Variants in TBC1D1 observed in about 807,000 individuals in gnomAD.
The protein encoded by TBC1D1 is TBC1 domain family member 1, also known as TBC1 (tre-2/USP6, BUB2, cdc16) domain family, member 1.
TBC1D1 carries 89 observed loss-of-function variants against 125.6 expected under a neutral mutation model. That is an observed-to-expected ratio of 0.71 (90% CI 0.60 to 0.85). TBC1D1 has a LOEUF of 0.85. Ranked by LOEUF, TBC1D1 falls within the 40% of genes least tolerant of loss-of-function variation. The probability of loss-of-function intolerance (pLI) is 0.00; values close to 1 mark genes in which losing one functional copy is unlikely to be tolerated. For synonymous variants in TBC1D1, 565 were observed against 564.1 expected (o/e 1.00, Z -0.02); for missense variants, 1,377 against 1,469.2 (o/e 0.94, Z 1.03).
chr4:38,039,104 CTTTTTTTTTTTTTTTTTTT>C (rs776941680), intron 8 of TBC1D1, among the ~76,000 whole-genome samples: 4,879 of 51,728 alleles, frequency 0.094, 421 homozygotes, highest in African/African-American at 0.28. Flanking sequence ...GCATCATACT[CTTTTTTTTTTTTTTTTTTT>C]TTTTTTTTTT....
chr4:38,092,006 A>G (rs557441703), intron 13 of TBC1D1, among the ~76,000 whole-genome samples: 1 of 152,342 alleles, frequency 6.6e-6, no homozygotes, highest in South Asian at 2.1e-4. Context: ...CTTGCTTAAT[A>G]TAATGTTGGA....
chr4:38,096,211 C>A, intron 14 of TBC1D1, 121 bp downstream of exon 16: 1 of 761,590 alleles, frequency 1.3e-6, no homozygotes, highest in Non-Finnish European at 2.2e-6. Context: ...TTCATCACAT[C>A]TTAATCTATT....
At chr4:38,027,726 A>C in intron 6 of TBC1D1, 62 bp from the exon 7 acceptor site, 1 of 1,014,174 alleles carries the variant, frequency 9.9e-7, no homozygotes, top group Non-Finnish European at 1.5e-6. Flanking sequence ...GGAAGAGGTT[A>C]ACTCCCTATC....
intron 2 of TBC1D1, among the ~76,000 whole-genome samples, chr4:37,974,532 C>G (rs1732671787): frequency 6.6e-6 from 1 of 151,658 alleles, no homozygotes; most frequent in African/African-American, 2.4e-5. Flanking sequence ...AGCCACCATG[C>G]ATGGCCTGAT....
intron 2 of TBC1D1, among the ~76,000 whole-genome samples, chr4:37,942,856 A>T (rs113664825): frequency 0.075 from 11,406 of 152,086 alleles, 457 homozygotes; most frequent in South Asian, 0.11. Flanking sequence ...ATATTGTTAT[A>T]TGTGAATTTG....
At chr4:38,071,585 T>G (rs979902568) in intron 12 of TBC1D1, among the ~76,000 whole-genome samples, 3 of 152,206 alleles carry the variant, frequency 2.0e-5, no homozygotes, top group African/African-American at 4.8e-5. Flanking sequence ...ACAGCTACTT[T>G]GATTGTGATC....
At chr4:38,015,085 T>C in intron 3 of TBC1D1, 112 bp downstream of exon 3, 1 of 897,526 alleles carries the variant, frequency 1.1e-6, no homozygotes, top group Non-Finnish European at 1.7e-6. Flanking sequence ...TATGTGTGAA[T>C]CCATATATTT....
In TBC1D1 at chr4:37,995,468, C is replaced by A. The variant is rs1015776679; in HGVS notation, c.418-19041C>A. 4.6e-5 allele frequency: 11 copies of A among 237,756 alleles called. No individual in the cohort carries two copies. Among genetic ancestry groups the A allele is most frequent in the African/African-American group, 2.3e-4 (10 of 43,766 alleles). 14.7% of individuals were successfully genotyped at this position (237,756 alleles called of 1,614,324 possible). A position where few individuals can be genotyped will look rare whatever the true frequency, so the allele number is the denominator to read the frequency against. On this transcript the variant is annotated intron_variant, in intron 2 of 19. Coordinates refer to ENST00000261439, the MANE Select transcript of TBC1D1 (RefSeq NM_015173.4). The surrounding 1 kb of genome is among the most constrained non-coding windows in gnomAD (Gnocchi z 4.3). Reference sequence around the variant, plus strand: ...CCCCGCCCCCTCACAAAGTATAGATCATTTGTTTTCCTTCCAGCCCTGGGC... The same window carrying A: ...CCCCGCCCCCTCACAAAGTATAGATAATTTGTTTTCCTTCCAGCCCTGGGC...
intron 18 of TBC1D1, among the ~76,000 whole-genome samples, chr4:38,128,718 A>G (rs1374651028): frequency 6.6e-6 from 1 of 152,138 alleles, no homozygotes; most frequent in Non-Finnish European, 1.5e-5. Flanking sequence ...GGCAATTCCA[A>G]AGGTGACAGA....
chr4:38,052,723 C>T (rs148568638), intron 11 of TBC1D1, among the ~76,000 whole-genome samples: 145 of 74,858 alleles, frequency 1.9e-3, no homozygotes, highest in East Asian at 5.9e-3. Context: ...CGCGCGCGCG[C>T]GCGCGCACAC....
At chr4:38,026,785 G>A (rs1560644669) in intron 6 of TBC1D1, among the ~76,000 whole-genome samples, 1 of 152,082 alleles carries the variant, frequency 6.6e-6, no homozygotes, top group African/African-American at 2.4e-5. Flanking sequence ...TTGAAATATC[G>A]GGTTCTAATG....
chr4:38,065,644 CTTTTTTTTTT>C (rs11447003), intron 12 of TBC1D1, among the ~76,000 whole-genome samples: 3 of 119,640 alleles, frequency 2.5e-5, no homozygotes, highest in Admixed American at 8.7e-5. Flanking sequence ...GTATTACCGC[CTTTTTTTTTT>C]TTTTTTTTTG....
intron 14 of TBC1D1, 67 bp downstream of exon 16, chr4:38,096,157 T>C: frequency 7.0e-7 from 1 of 1,421,384 alleles, no homozygotes; most frequent in Non-Finnish European, 9.6e-7. Context: ...AAGTGTGGAA[T>C]TAAAAAAAAG....
chr4:37,898,232 T>C (rs1010082428), intron 1 of TBC1D1, among the ~76,000 whole-genome samples: 1 of 152,194 alleles, frequency 6.6e-6, no homozygotes, highest in African/African-American at 2.4e-5. Flanking sequence ...GGGACACCTA[T>C]TCAAACTCTT....
intron 2 of TBC1D1, among the ~76,000 whole-genome samples, chr4:37,931,009 A>C (rs1029917548): frequency 1.3e-5 from 2 of 152,230 alleles, no homozygotes; most frequent in Admixed American, 6.5e-5. Context: ...TTATGAGAGA[A>C]TACATGGTTG....
chr4:37,966,604 T>C (rs1010886), intron 2 of TBC1D1, among the ~76,000 whole-genome samples: 91,159 of 152,086 alleles, frequency 0.6, 27,877 homozygotes, highest in African/African-American at 0.73. Context: ...TCTATGAGTT[T>C]CTTTGCTAAG....
chr4:37,952,297 G>A, intron 2 of TBC1D1: 1 of 536,738 alleles, frequency 1.9e-6, no homozygotes, highest in African/African-American at 1.9e-5. Flanking sequence ...TTAAAGTTCT[G>A]TTGACTTGGG....
At chr4:37,919,419 C>T (rs1720448834) in intron 2 of TBC1D1, among the ~76,000 whole-genome samples, 1 of 151,018 alleles carries the variant, frequency 6.6e-6, no homozygotes, top group South Asian at 2.1e-4. Flanking sequence ...CTCCTGACCT[C>T]AAGTGATCTG....
At chr4:38,003,376 A>C (rs1173567357) in intron 2 of TBC1D1, among the ~76,000 whole-genome samples, 1 of 152,078 alleles carries the variant, frequency 6.6e-6, no homozygotes, top group Non-Finnish European at 1.5e-5. Flanking sequence ...CTCATATTTG[A>C]GATTGCCGGA....
Sources: gnomAD v4.1 joint callset for allele counts (sites outside exome capture counted in the v4.1 genomes callset) on GRCh38, gnomAD v4.1.1 for gene constraint, Gnocchi (gnomAD v3.1) non-coding constraint, MANE v1.5 for transcripts, NCBI Gene and HGNC (gene_info 2026-07-23, HGNC 2026-07-21) for gene names.